Variants in ATP13A3 observed in about 807,000 individuals in gnomAD.
ATP13A3 encodes the protein polyamine-transporting ATPase 13A3.
Under a neutral mutation model 158.1 loss-of-function variants are expected in ATP13A3, and 59 were observed. The ratio of observed to expected loss-of-function variants is 0.37; its 90% CI spans 0.30 to 0.46. The LOEUF (loss-of-function observed/expected upper bound fraction) is 0.46. Among genes scored for constraint, ATP13A3 ranks in the 20% least tolerant of loss-of-function variants. The pLI, the probability that ATP13A3 is intolerant of heterozygous loss-of-function variation, is 1.00. For synonymous variants in ATP13A3, 491 were observed against 504.3 expected, an observed-to-expected ratio of 0.97 and a Z score of 0.35; for missense variants, 1,166 against 1,525.2, an observed-to-expected ratio of 0.76 and a Z score of 3.92.
intron 8 of ATP13A3, 107 bp from the exon 9 acceptor site, chr3:194,454,499 G>T: frequency 8.2e-7 from 1 of 1,225,974 alleles, no homozygotes; most frequent in Non-Finnish European, 1.1e-6. Context: ...TACAAGATAA[G>T]CTCCATAGTA....
At chr3:194,482,180 A>G (rs977758770) in intron 2 of ATP13A3, among the ~76,000 whole-genome samples, 5 of 152,018 alleles carry the variant, frequency 3.3e-5, no homozygotes, top group African/African-American at 1.2e-4. Flanking sequence ...TTAAACTATC[A>G]TAACAGTGAT....
intron 33 of ATP13A3, among the ~76,000 whole-genome samples, chr3:194,408,304 A>G (rs1264441893): frequency 6.6e-6 from 1 of 152,198 alleles, no homozygotes; most frequent in African/African-American, 2.4e-5. Context: ...TACAGGCATA[A>G]GCCGCCGCAC....
intron 30 of ATP13A3, among the ~76,000 whole-genome samples, chr3:194,421,074 C>T (rs1405766897): frequency 2.8e-5 from 2 of 72,414 alleles, no homozygotes; most frequent in Non-Finnish European, 5.2e-5. Flanking sequence ...AGAAACTATA[C>T]TATATTATTT....
chr3:194,421,154 TATA>T (rs1374172764), intron 30 of ATP13A3, among the ~76,000 whole-genome samples: 57 of 3,592 alleles, frequency 0.016, no homozygotes, highest in East Asian at 0.047. Flanking sequence ...TATATATATA[TATA>T]TATATATATA....
At chr3:194,420,753 C>G (rs959960579) in intron 30 of ATP13A3, among the ~76,000 whole-genome samples, 1 of 152,012 alleles carries the variant, frequency 6.6e-6, no homozygotes, top group East Asian at 1.9e-4. Context: ...TAAGCATATA[C>G]TTGTATAATA....
intron 18 of ATP13A3, 29 bp downstream of exon 18, chr3:194,437,527 T>G: frequency 6.2e-7 from 1 of 1,611,970 alleles, no homozygotes; most frequent in South Asian, 1.1e-5. Flanking sequence ...ACAAATATAC[T>G]TAGTAAGAAG....
intron 2 of ATP13A3, among the ~76,000 whole-genome samples, chr3:194,466,642 A>G (rs1720006309): frequency 6.6e-6 from 1 of 152,182 alleles, no homozygotes; most frequent in South Asian, 2.1e-4. Context: ...TAGTCTTTCT[A>G]CTTTTTAATG....
intron 2 of ATP13A3, among the ~76,000 whole-genome samples, chr3:194,483,466 T>C (rs536042716): frequency 5.0e-4 from 72 of 143,596 alleles, no homozygotes; most frequent in African/African-American, 1.7e-3. Flanking sequence ...GGTGCACACC[T>C]GTGGTCCCAG....
rs1475738821 is a variant in ATP13A3, at chr3:194,412,552, T to C, written c.3484-264A>G. On this transcript the variant is annotated intron_variant, in intron 32 of 33. Transcript: ENST00000645319. ...CTTTTGTATAAATAGGTCTTTCCCATATTAAAATGATGCTTATGTAATTTG... is the reference window on the plus strand; with the variant it reads ...CTTTTGTATAAATAGGTCTTTCCCACATTAAAATGATGCTTATGTAATTTG... 4 of 406,594 alleles carry C rather than the reference T, an allele frequency of 9.8e-6. No homozygotes were observed. In the East Asian group the frequency reaches 1.9e-4, roughly 19 times the overall value. 25.2% of individuals were successfully genotyped at this position (406,594 alleles called of 1,614,324 possible). A position where few individuals can be genotyped will look rare whatever the true frequency, so the allele number is the denominator to read the frequency against.
At chr3:194,482,108 T>C (rs990192605) in intron 2 of ATP13A3, among the ~76,000 whole-genome samples, 8 of 152,230 alleles carry the variant, frequency 5.3e-5, no homozygotes, top group Non-Finnish European at 7.3e-5. Flanking sequence ...GACACTTATT[T>C]GGACAGTTCT....
intron 33 of ATP13A3, among the ~76,000 whole-genome samples, chr3:194,411,684 A>G (rs1471301561): frequency 6.6e-6 from 1 of 152,198 alleles, no homozygotes; most frequent in Non-Finnish European, 1.5e-5. Context: ...AAGGTATACA[A>G]CGCTGGAGAA....
chr3:194,430,509 AG>A (rs1213748627), intron 24 of ATP13A3, among the ~76,000 whole-genome samples, 194 bp from the exon 25 acceptor site: 4 of 152,246 alleles, frequency 2.6e-5, no homozygotes, highest in African/African-American at 9.6e-5. Context: ...AAGTGAAATG[AG>A]CTAGGTTATT....
chr3:194,463,346 T>G (rs190474277), intron 2 of ATP13A3, among the ~76,000 whole-genome samples: 1 of 152,144 alleles, frequency 6.6e-6, no homozygotes, highest in East Asian at 1.9e-4. Context: ...TTAAAGAAAT[T>G]TGCAAGATGT....
At chr3:194,406,155 T>C in intron 33 of ATP13A3, 39 bp from the exon 34 acceptor site, 2 of 1,600,890 alleles carry the variant, frequency 1.2e-6, no homozygotes, top group African/African-American at 1.3e-5. Context: ...AACACCCCAG[T>C]TGATTAAAGG....
chr3:194,429,076 A>G (rs1169723084), intron 27 of ATP13A3, among the ~76,000 whole-genome samples, 159 bp from the exon 28 acceptor site: 2 of 152,192 alleles, frequency 1.3e-5, no homozygotes, highest in African/African-American at 2.4e-5. Context: ...GAAACTAAAT[A>G]TAACATATAT....
chr3:194,462,199 T>C lies in ATP13A3; in HGVS notation c.-9A>G. ...CTTTCTTCCCTGTCCATACCTACAG[T>C]GGATTAAAGGTCCAGTGCTTCAAAC... On this transcript the variant is annotated 5_prime_UTR_variant, in exon 3 of 34. Coordinates refer to ENST00000645319, the MANE Select transcript of ATP13A3 (RefSeq NM_001367549.1). 3 of 1,613,108 alleles carry C rather than the reference T, an allele frequency of 1.9e-6. No homozygotes were observed. Among genetic ancestry groups the C allele is most frequent in the Non-Finnish European group, 2.5e-6 (3 of 1,179,160 alleles).
chr3:194,440,690 A>G (rs1264582289), intron 16 of ATP13A3, among the ~76,000 whole-genome samples: 1 of 152,200 alleles, frequency 6.6e-6, no homozygotes, highest in Non-Finnish European at 1.5e-5. Context: ...GACACCAGCC[A>G]TGGGGTGGGG....
intron 2 of ATP13A3, among the ~76,000 whole-genome samples, chr3:194,484,793 C>T (rs116795177): frequency 2.6e-5 from 4 of 152,230 alleles, no homozygotes; most frequent in Non-Finnish European, 5.9e-5. Context: ...CGGTGGCTAG[C>T]GCCTGTAATA....
rs1266104342 is a variant in ATP13A3, at chr3:194,482,165, ATTT to A, written c.-47+3626_-47+3628del. Among the ~76,000 whole-genome samples, 1,012 of 152,292 alleles carry A rather than the reference ATTT, an allele frequency of 6.6e-3. 11 individuals carry two copies. Among genetic ancestry groups the A allele is most frequent in the African/African-American group, 0.023 (955 of 41,552 alleles). On this transcript the variant is annotated intron_variant, in intron 2 of 33. Coordinates refer to ENST00000645319, the MANE Select transcript of ATP13A3 (RefSeq NM_001367549.1). ...CCTTCTTACTGATTACCATAAAGTC[ATTT>A]TTTAAACTATCATAACAGTGATCAT...
Sources: gnomAD v4.1 joint callset for allele counts (sites outside exome capture counted in the v4.1 genomes callset) on GRCh38, gnomAD v4.1.1 for gene constraint, MANE v1.5 for transcripts, NCBI Gene and HGNC (gene_info 2026-07-23, HGNC 2026-07-21) for gene names.